The following SLC30A4 variants were observed in gnomAD, a reference collection of about 807,000 sequenced individuals.
SLC30A4 encodes solute carrier family 30 member 4, also known as probable proton-coupled zinc antiporter SLC30A4.
In SLC30A4, 20 loss-of-function variants were observed where a neutral mutation model predicts 41.7. That is an observed-to-expected ratio of 0.48 (90% CI 0.34 to 0.70). The LOEUF (loss-of-function observed/expected upper bound fraction) is 0.70. Ranked by LOEUF, SLC30A4 falls within the 30% of genes least tolerant of loss-of-function variation. SLC30A4 has a pLI of 0.01. For synonymous variants in SLC30A4, 181 were observed against 195.9 expected (o/e 0.92, Z 0.64); for missense variants, 441 against 529.3 (o/e 0.83, Z 1.64).
chr15:45,495,663 C>T (rs550213570), intron 3 of SLC30A4, among the ~76,000 whole-genome samples: 9 of 152,264 alleles, frequency 5.9e-5, no homozygotes, highest in Admixed American at 2.0e-4. Flanking sequence ...TCAAACACAG[C>T]GCATGAACAG....
chr15:45,511,418 G>A (rs1247066653), intron 2 of SLC30A4, 134 bp from the exon 3 acceptor site: 3 of 556,190 alleles, frequency 5.4e-6, no homozygotes, highest in Non-Finnish European at 6.0e-6. Context: ...ATTAAATCAA[G>A]GTATTCTGAA....
intron 3 of SLC30A4, among the ~76,000 whole-genome samples, chr15:45,495,307 A>T (rs1476204498): frequency 6.6e-6 from 1 of 152,072 alleles, no homozygotes; most frequent in Non-Finnish European, 1.5e-5. Context: ...ATACTTTCCA[A>T]TTTTTCTGGG....
chr15:45,499,276 G>C (rs1891969224), intron 3 of SLC30A4, among the ~76,000 whole-genome samples: 1 of 152,026 alleles, frequency 6.6e-6, no homozygotes, highest in Admixed American at 6.6e-5. Context: ...GTTTCACCAT[G>C]TTAGCCAGGA....
At position 45,491,278 on chromosome 15, in the gene SLC30A4, C is replaced by G. The variant is rs192915274; in HGVS notation, c.539-397G>C. Among the ~76,000 whole-genome samples, 229 of 152,292 alleles carry G rather than the reference C, an allele frequency of 1.5e-3. 2 individuals are homozygous for G. The highest frequency in any genetic ancestry group is 5.2e-3 in the African/African-American group (216 of 41,572). The stretch of plus-strand genomic sequence containing the variant: ...GATATGGATCCTCCACTAATTTACC[C>G]TTACCTCTCCCTACCCTCCACTCCT... On this transcript the variant is annotated intron_variant, in intron 3 of 7. Coordinates refer to ENST00000261867, the MANE Select transcript of SLC30A4 (RefSeq NM_013309.6).
intron 3 of SLC30A4, among the ~76,000 whole-genome samples, chr15:45,507,321 A>AAAATAAAT (rs58217872): frequency 0.34 from 48,052 of 140,618 alleles, 8,467 homozygotes; most frequent in East Asian, 0.45. Context: ...CTCTGTCTCA[A>AAAATAAAT]AAATAAATAA....
chr15:45,496,875 A>AAATAAAT (rs1242687633), intron 3 of SLC30A4, among the ~76,000 whole-genome samples: 1 of 144,466 alleles, frequency 6.9e-6, no homozygotes, highest in Non-Finnish European at 1.5e-5. Flanking sequence ...ATAAATAAAT[A>AAATAAAT]AAATAAATAG....
rs1261304640 is a variant in SLC30A4 at position 45,480,498 on chromosome 15, A to G, written c.*4665T>C. On this transcript the variant is annotated 3_prime_UTR_variant, in exon 8 of 8. Coordinates refer to ENST00000261867, the MANE Select transcript of SLC30A4 (RefSeq NM_013309.6). ...TCGAAGATCAGACTTGCCTCCCCTC[A>G]ACATAGCATATAGTGATGGGTGTTC... 2.6e-5 allele frequency: 4 copies of G among 152,238 alleles called. No individual in the cohort carries two copies. The highest frequency in any genetic ancestry group is 9.6e-5 in the African/African-American group (4 of 41,472). 9.4% of individuals were successfully genotyped at this position (152,238 alleles called of 1,614,324 possible). A position where few individuals can be genotyped will look rare whatever the true frequency, so the allele number is the denominator to read the frequency against.
chr15:45,509,199 G>A (rs1174604709), intron 3 of SLC30A4, among the ~76,000 whole-genome samples: 2 of 151,022 alleles, frequency 1.3e-5, no homozygotes, highest in African/African-American at 4.9e-5. Flanking sequence ...GTAAACAAAT[G>A]ACTATATAAT....
At chr15:45,497,008 C>G (rs977765884) in intron 3 of SLC30A4, 3 of 151,014 alleles carry the variant, frequency 2.0e-5, no homozygotes, top group Non-Finnish European at 4.4e-5. Flanking sequence ...GCCTGGGCAA[C>G]AGAGCAAGTC....
At chr15:45,520,804 G>A (rs910213698) in intron 2 of SLC30A4, 4 of 313,884 alleles carry the variant, frequency 1.3e-5, no homozygotes, top group South Asian at 2.8e-5. Context: ...CATGTGACCT[G>A]TGTATATTCT....
chr15:45,485,102 T>G lies in SLC30A4; in HGVS notation c.*61A>C. 1.5e-6 allele frequency: 2 copies of G among 1,364,842 alleles called. No individual in the cohort carries two copies. Among genetic ancestry groups the G allele is most frequent in the Non-Finnish European group, 2.0e-6 (2 of 976,120 alleles). The allele number at this position is 1,364,842 out of a possible 1,614,324, so 84.5% of individuals were successfully genotyped here. A position where few individuals can be genotyped will look rare whatever the true frequency, so the allele number is the denominator to read the frequency against. ...CCATTTTCTCATTTAGGTTTGCATT[T>G]ATTGCTCTCAAGTCTGTGACTGCAG... On this transcript the variant is annotated 3_prime_UTR_variant, in exon 8 of 8. Transcript: ENST00000261867.
intron 3 of SLC30A4, among the ~76,000 whole-genome samples, chr15:45,510,041 C>T (rs1230579337): frequency 3.9e-5 from 6 of 152,062 alleles, no homozygotes; most frequent in Non-Finnish European, 8.8e-5. Context: ...CACTGCACTC[C>T]AGCCTGGGCA....
At chr15:45,508,463 G>C (rs945671345) in intron 3 of SLC30A4, among the ~76,000 whole-genome samples, 2 of 152,118 alleles carry the variant, frequency 1.3e-5, no homozygotes, top group African/African-American at 4.8e-5. Context: ...TCTCATTTCT[G>C]CTCATCTCTG....
chr15:45,516,535 C>T (rs1892482528), intron 2 of SLC30A4, among the ~76,000 whole-genome samples: 2 of 151,656 alleles, frequency 1.3e-5, no homozygotes, highest in Non-Finnish European at 2.9e-5. Flanking sequence ...CAGTTTTCCT[C>T]ATATGTGTGA....
At chr15:45,494,495 G>A (rs1204629694) in intron 3 of SLC30A4, among the ~76,000 whole-genome samples, 11 of 151,976 alleles carry the variant, frequency 7.2e-5, no homozygotes, top group Admixed American at 2.6e-4. Context: ...GACCAGCCTG[G>A]CCAACATGGC....
intron 7 of SLC30A4, 40 bp downstream of exon 7, chr15:45,486,571 T>G (rs770575731): frequency 4.6e-6 from 7 of 1,522,124 alleles, no homozygotes; most frequent in Non-Finnish European, 6.1e-6. Flanking sequence ...AAGGCAGAAG[T>G]CCACCAACCC....
intron 3 of SLC30A4, among the ~76,000 whole-genome samples, chr15:45,498,433 T>C (rs953434129): frequency 6.6e-6 from 1 of 152,174 alleles, no homozygotes; most frequent in African/African-American, 2.4e-5. Flanking sequence ...AGATTTTGGA[T>C]TAAGGATGCT....
At chr15:45,486,904 T>C (rs1167235580) in intron 6 of SLC30A4, among the ~76,000 whole-genome samples, 159 bp from the exon 7 acceptor site, 3 of 152,062 alleles carry the variant, frequency 2.0e-5, no homozygotes, top group South Asian at 2.1e-4. Context: ...CATGTACACA[T>C]ATATTTTTAT....
At chr15:45,487,221 AT>A (rs1891721381) in intron 6 of SLC30A4, among the ~76,000 whole-genome samples, 1 of 152,182 alleles carries the variant, frequency 6.6e-6, no homozygotes, top group Non-Finnish European at 1.5e-5. Flanking sequence ...GCCACAGTTT[AT>A]TAGCAACATG....
Sources: gnomAD v4.1 joint callset for allele counts (sites outside exome capture counted in the v4.1 genomes callset) on GRCh38, gnomAD v4.1.1 for gene constraint, MANE v1.5 for transcripts, NCBI Gene and HGNC (gene_info 2026-07-23, HGNC 2026-07-21) for gene names.